The following RSRC1 variants were observed in gnomAD, a reference collection of about 807,000 sequenced individuals.
RSRC1 encodes serine/Arginine-related protein 53.
In RSRC1, 39 loss-of-function variants were observed where a neutral mutation model predicts 49.1. The ratio of observed to expected loss-of-function variants is 0.79; its 90% CI spans 0.61 to 1.04. The LOEUF (loss-of-function observed/expected upper bound fraction) is 1.04. RSRC1 is among the 50% of genes least tolerant of loss of function. The pLI is 0.00. For synonymous variants in RSRC1, 143 were observed against 130.8 expected (o/e 1.09, Z -0.63); for missense variants, 388 against 402.4 (o/e 0.96, Z 0.31).
chr3:158,368,279 T>TA (rs1436073915), intron 6 of RSRC1, among the ~76,000 whole-genome samples: 1 of 152,208 alleles, frequency 6.6e-6, no homozygotes, highest in Non-Finnish European at 1.5e-5. Context: ...CAAGTCAGTA[T>TA]AAAGCAGATC....
At chr3:158,442,464 TAAG>T (rs1368206612) in intron 6 of RSRC1, among the ~76,000 whole-genome samples, 2 of 152,110 alleles carry the variant, frequency 1.3e-5, no homozygotes, top group Admixed American at 1.3e-4. Flanking sequence ...TGTTAATACT[TAAG>T]AAGCAATTTC....
chr3:158,132,784 A>G (rs1249675126), intron 3 of RSRC1, among the ~76,000 whole-genome samples: 3 of 152,218 alleles, frequency 2.0e-5, no homozygotes, highest in African/African-American at 2.4e-5. Flanking sequence ...TTTCTAATCA[A>G]TGAACAAAGT....
At chr3:158,142,619 C>T (rs1716818454) in intron 3 of RSRC1, among the ~76,000 whole-genome samples, 1 of 152,144 alleles carries the variant, frequency 6.6e-6, no homozygotes, top group Admixed American at 6.5e-5. Context: ...GCCAGCACAT[C>T]ACATGGTGAG....
intron 4 of RSRC1, among the ~76,000 whole-genome samples, chr3:158,240,275 T>C (rs1723493967): frequency 6.6e-6 from 1 of 152,138 alleles, no homozygotes; most frequent in African/African-American, 2.4e-5. Flanking sequence ...TTCTTGGTTT[T>C]TGGTAGTTAA....
At chr3:158,112,529 G>A (rs965890517) in intron 1 of RSRC1, among the ~76,000 whole-genome samples, 2 of 152,106 alleles carry the variant, frequency 1.3e-5, no homozygotes, top group Admixed American at 1.3e-4. Context: ...GAAATATGGT[G>A]ACCTTTTGCT....
At chr3:158,278,050 C>G (rs1725915929) in intron 4 of RSRC1, among the ~76,000 whole-genome samples, 1 of 152,112 alleles carries the variant, frequency 6.6e-6, no homozygotes, top group South Asian at 2.1e-4. Context: ...AGTATTGATC[C>G]CTAATGTGAA....
intron 6 of RSRC1, among the ~76,000 whole-genome samples, chr3:158,356,842 T>A (rs1264509687): frequency 6.6e-6 from 1 of 152,138 alleles, no homozygotes; most frequent in Non-Finnish European, 1.5e-5. Flanking sequence ...TTTATTCAGT[T>A]TTTTAAAAAT....
At chr3:158,114,097 T>G (rs773681052) in intron 1 of RSRC1, among the ~76,000 whole-genome samples, 15 of 152,240 alleles carry the variant, frequency 9.9e-5, no homozygotes, top group Non-Finnish European at 1.9e-4. Flanking sequence ...TGGTATTGCC[T>G]AGATTTTCTT....
chr3:158,244,032 G>A (rs1163225467), intron 4 of RSRC1, among the ~76,000 whole-genome samples: 3 of 75,906 alleles, frequency 4.0e-5, no homozygotes, highest in Non-Finnish European at 5.1e-5. Context: ...TATTTGAAGT[G>A]GGGTTTTTTT....
At position 158,434,123 on chromosome 3, in the gene RSRC1, C is replaced by T. The variant is rs913470710; in HGVS notation, c.584-26812C>T. ...TGCTAAAACTAAAATCCAGTTTTCCCGATTCCGAGGCCATTCCCTTTCAGC... is the reference window on the plus strand; with the variant it reads ...TGCTAAAACTAAAATCCAGTTTTCCTGATTCCGAGGCCATTCCCTTTCAGC... On this transcript the variant is annotated intron_variant, in intron 6 of 9. Coordinates refer to ENST00000611884, the MANE Select transcript of RSRC1 (RefSeq NM_001271838.2). Among the ~76,000 whole-genome samples the T allele has an allele frequency of 1.3e-4, 20 of 151,862 alleles. 1 individual carries two copies. The highest frequency in any genetic ancestry group is 4.1e-4 in the South Asian group (2 of 4,828).
chr3:158,134,023 T>C (rs1377927143), intron 3 of RSRC1, among the ~76,000 whole-genome samples: 2 of 152,136 alleles, frequency 1.3e-5, no homozygotes, highest in African/African-American at 4.8e-5. Context: ...GAAAGGAACC[T>C]TGATACAAGC....
rs756776025 is a variant in RSRC1 at position 158,470,361 on chromosome 3, C to CACACATATATAT, written c.652+9359_652+9360insCACATATATATA. Among the ~76,000 whole-genome samples the CACACATATATAT allele has an allele frequency of 1.9e-4, 19 of 100,346 alleles. 1 individual carries two copies. Among genetic ancestry groups the CACACATATATAT allele is most frequent in the South Asian group, 1.0e-3 (3 of 2,968 alleles). The allele number at this position is 100,346 out of a possible 152,430, so 65.8% of individuals were successfully genotyped here. A position where few individuals can be genotyped will look rare whatever the true frequency, so the allele number is the denominator to read the frequency against. Reference sequence around the variant, plus strand: ...ACACACACACACACACACACACACACATATATATATATATATATAAAACCA... The same window carrying CACACATATATAT: ...ACACACACACACACACACACACACACACACATATATATATATATATATATATATATAAAACCA... On this transcript the variant is annotated intron_variant, in intron 7 of 9. Coordinates refer to ENST00000611884, the MANE Select transcript of RSRC1 (RefSeq NM_001271838.2).
chr3:158,404,717 A>G (rs1245394044), intron 6 of RSRC1, among the ~76,000 whole-genome samples: 1 of 152,010 alleles, frequency 6.6e-6, no homozygotes, highest in Non-Finnish European at 1.5e-5. Flanking sequence ...AGTTATGTTG[A>G]AAGAAAAATT....
At chr3:158,507,389 A>G (rs1353414492) in intron 7 of RSRC1, among the ~76,000 whole-genome samples, 2 of 152,170 alleles carry the variant, frequency 1.3e-5, no homozygotes, top group East Asian at 3.8e-4. Flanking sequence ...AAGAATTCTA[A>G]TGTTCCCAAC....
At chr3:158,195,953 T>C (rs1002930187) in intron 3 of RSRC1, among the ~76,000 whole-genome samples, 1 of 152,066 alleles carries the variant, frequency 6.6e-6, no homozygotes, top group Non-Finnish European at 1.5e-5. Context: ...CTTTGTTCTT[T>C]TGGCTTAGGA....
chr3:158,280,917 G>A (rs576824522), intron 4 of RSRC1, among the ~76,000 whole-genome samples: 61 of 152,138 alleles, frequency 4.0e-4, no homozygotes, highest in African/African-American at 1.3e-3. Context: ...AAAGTGCTGG[G>A]ATTACAGGCA....
chr3:158,221,152 T>C (rs182454105), intron 4 of RSRC1, among the ~76,000 whole-genome samples: 1 of 151,680 alleles, frequency 6.6e-6, no homozygotes, highest in Admixed American at 6.6e-5. Flanking sequence ...CGGTTTCTAC[T>C]TCAGATCTTG....
chr3:158,288,202 C>CA (rs1474648767), intron 4 of RSRC1, among the ~76,000 whole-genome samples: 2 of 152,174 alleles, frequency 1.3e-5, no homozygotes, highest in Non-Finnish European at 2.9e-5. Context: ...CCTTTGAGCT[C>CA]ACTCTTCGCG....
chr3:158,474,323 T>G (rs1738276324), intron 7 of RSRC1, among the ~76,000 whole-genome samples: 1 of 152,212 alleles, frequency 6.6e-6, no homozygotes, highest in African/African-American at 2.4e-5. Context: ...GCAATAGCAT[T>G]ATGTCTAAAA....
Sources: allele counts gnomAD v4.1 joint callset (sites outside exome capture counted in the v4.1 genomes callset), GRCh38; gene constraint gnomAD v4.1.1; transcripts MANE v1.5; gene names NCBI Gene and HGNC (gene_info 2026-07-23, HGNC 2026-07-21).